ALK: variants seen among roughly 807,000 people sequenced by gnomAD.
The protein encoded by ALK is ALK tyrosine kinase receptor.
Under a neutral mutation model 163.1 loss-of-function variants are expected in ALK, and 74 were observed. That is an observed-to-expected ratio of 0.45 (90% CI 0.38 to 0.55). ALK has a LOEUF of 0.55. Ranked by LOEUF, ALK falls within the 20% of genes least tolerant of loss-of-function variation. ALK has a pLI of 0.00. For missense variants in ALK, 2,063 were observed against 2,105.3 expected (o/e 0.98, Z 0.39); for synonymous variants, 960 against 843.2 (o/e 1.14, Z -2.40).
At chr2:29,654,419 T>C (rs1294018602) in intron 3 of ALK, among the ~76,000 whole-genome samples, 1 of 152,142 alleles carries the variant, frequency 6.6e-6, no homozygotes, top group Non-Finnish European at 1.5e-5. Flanking sequence ...GGAAGCTGCT[T>C]TGGGTCTTCC....
intron 3 of ALK, among the ~76,000 whole-genome samples, chr2:29,591,796 T>C (rs540934404): frequency 6.7e-6 from 1 of 150,286 alleles, no homozygotes; most frequent in South Asian, 2.1e-4. Flanking sequence ...TACATCATCA[T>C]CCCTGAGTGG....
intron 4 of ALK, among the ~76,000 whole-genome samples, chr2:29,477,348 C>G (rs1039416553): frequency 6.6e-6 from 1 of 152,138 alleles, no homozygotes; most frequent in African/African-American, 2.4e-5. Context: ...TTCTGAGATT[C>G]CACATTACAA....
intron 3 of ALK, among the ~76,000 whole-genome samples, chr2:29,562,914 G>T (rs1674068146): frequency 6.6e-6 from 1 of 152,164 alleles, no homozygotes; most frequent in Non-Finnish European, 1.5e-5. Flanking sequence ...CCTTCTATTT[G>T]GGGAAATGAT....
chr2:29,919,794 G>A (rs953211694), intron 1 of ALK, among the ~76,000 whole-genome samples, 199 bp downstream of exon 1: 6 of 152,194 alleles, frequency 3.9e-5, no homozygotes, highest in Non-Finnish European at 5.9e-5. Flanking sequence ...TAAAGAGGAA[G>A]GAAGACCCCT....
intron 3 of ALK, among the ~76,000 whole-genome samples, chr2:29,672,320 T>G (rs1050524436): frequency 2.7e-4 from 38 of 143,190 alleles, no homozygotes; most frequent in African/African-American, 8.4e-4. Context: ...ATGCTATCCC[T>G]CCCCCTTCCC....
intron 6 of ALK, among the ~76,000 whole-genome samples, chr2:29,324,959 G>C (rs1013911346): frequency 1.3e-5 from 2 of 152,190 alleles, no homozygotes; most frequent in Non-Finnish European, 2.9e-5. Flanking sequence ...CTGGACAACT[G>C]TTAGAATTTT....
At chr2:29,833,581 A>G (rs531728147) in intron 1 of ALK, among the ~76,000 whole-genome samples, 7 of 152,378 alleles carry the variant, frequency 4.6e-5, no homozygotes, top group Admixed American at 6.5e-5. Context: ...TTTATGGAGC[A>G]CTTACCAGGT....
At chr2:29,850,564 A>G (rs1458507678) in intron 1 of ALK, among the ~76,000 whole-genome samples, 1 of 152,154 alleles carries the variant, frequency 6.6e-6, no homozygotes, top group Non-Finnish European at 1.5e-5. Flanking sequence ...ACTGCAGAAA[A>G]AGGCCTCAAT....
At chr2:29,537,688 A>T (rs1194322829) in intron 3 of ALK, among the ~76,000 whole-genome samples, 2 of 152,208 alleles carry the variant, frequency 1.3e-5, no homozygotes, top group Admixed American at 1.3e-4. Context: ...ATATCCAAGA[A>T]TGGTAGAGAC....
Position 29,225,114 on chromosome 2 carries a change from C to T in ALK, c.3172+347G>A, listed in dbSNP as rs141269089. 5.2e-3 allele frequency among the ~76,000 whole-genome samples: 793 copies of T among 152,170 alleles called. 4 individuals are homozygous for T. Among genetic ancestry groups the T allele is most frequent in the Non-Finnish European group, 5.0e-3 (341 of 68,004 alleles). On this transcript the variant is annotated intron_variant, in intron 19 of 28. Transcript: ENST00000389048. ...TAGGGTGGGAGCCAAACAGGAGCTGCGCCGGTGGAAGCATGTGGGAGCTAG... is the reference window on the plus strand; with the variant it reads ...TAGGGTGGGAGCCAAACAGGAGCTGTGCCGGTGGAAGCATGTGGGAGCTAG...
At chr2:29,823,473 T>C (rs1351710831) in intron 1 of ALK, among the ~76,000 whole-genome samples, 5 of 152,192 alleles carry the variant, frequency 3.3e-5, no homozygotes, top group Non-Finnish European at 7.3e-5. Flanking sequence ...TGGAACTCCC[T>C]AAAGACTTGT....
intron 3 of ALK, among the ~76,000 whole-genome samples, chr2:29,562,492 C>A (rs1306804342): frequency 6.6e-6 from 1 of 152,188 alleles, no homozygotes; most frequent in Non-Finnish European, 1.5e-5. Context: ...TCCAAATGCT[C>A]ACCCTCCAGA....
chr2:29,919,233 G>A (rs1412958867), intron 1 of ALK, among the ~76,000 whole-genome samples: 1 of 152,142 alleles, frequency 6.6e-6, no homozygotes, highest in Non-Finnish European at 1.5e-5. Flanking sequence ...AGGAGGAGTG[G>A]GGAAAGGTAA....
At chr2:29,384,767 A>G (rs1201448912) in intron 4 of ALK, among the ~76,000 whole-genome samples, 1 of 152,186 alleles carries the variant, frequency 6.6e-6, no homozygotes, top group Non-Finnish European at 1.5e-5. Flanking sequence ...TTATTGAGGT[A>G]TAATTGATGT....
At chr2:29,231,451 T>TTC in intron 15 of ALK, among the ~76,000 whole-genome samples, 1 of 152,300 alleles carries the variant, frequency 6.6e-6, no homozygotes, top group East Asian at 1.9e-4. Context: ...AAAACAGGAA[T>TTC]GGTATCTGCC....
At chr2:29,566,374 C>G (rs1056160020) in intron 3 of ALK, among the ~76,000 whole-genome samples, 1 of 152,198 alleles carries the variant, frequency 6.6e-6, no homozygotes, top group African/African-American at 2.4e-5. Flanking sequence ...CAATTTGCTG[C>G]ACCCCAAAAC....
chr2:29,835,684 G>A (rs574899513), intron 1 of ALK, among the ~76,000 whole-genome samples: 3 of 152,204 alleles, frequency 2.0e-5, no homozygotes, highest in Non-Finnish European at 4.4e-5. Flanking sequence ...GGAGGGACCT[G>A]ATGGGACACA....
intron 8 of ALK, among the ~76,000 whole-genome samples, chr2:29,315,663 G>A (rs930427763): frequency 1.3e-5 from 2 of 152,190 alleles, no homozygotes; most frequent in African/African-American, 4.8e-5. Flanking sequence ...TGGGGCATTT[G>A]TTACATTTTC....
intron 4 of ALK, among the ~76,000 whole-genome samples, chr2:29,413,930 G>T (rs1002178729): frequency 6.6e-6 from 1 of 152,150 alleles, no homozygotes; most frequent in Non-Finnish European, 1.5e-5. Context: ...CTCCCAAAGT[G>T]CTGGGATTAC....
Sources: allele counts gnomAD v4.1 joint callset (sites outside exome capture counted in the v4.1 genomes callset), GRCh38; gene constraint gnomAD v4.1.1; transcripts MANE v1.5; gene names NCBI Gene and HGNC (gene_info 2026-07-23, HGNC 2026-07-21).